The following SLC4A7 variants were observed in gnomAD, a reference collection of about 807,000 sequenced individuals.
SLC4A7 encodes solute carrier family 4 member 7.
SLC4A7 carries 51 observed loss-of-function variants against 137.6 expected under a neutral mutation model. That is an observed-to-expected ratio of 0.37 (90% CI 0.30 to 0.47). SLC4A7 has a LOEUF of 0.47. Ranked by LOEUF, SLC4A7 falls within the 20% of genes least tolerant of loss-of-function variation. The pLI is 1.00. For synonymous variants in SLC4A7, 542 were observed against 518.6 expected, an observed-to-expected ratio of 1.05 and a Z score of -0.61; for missense variants, 1,247 against 1,525.4, an observed-to-expected ratio of 0.82 and a Z score of 3.04.
chr3:27,435,448 A>G (rs2056658218), intron 5 of SLC4A7, among the ~76,000 whole-genome samples: 1 of 152,122 alleles, frequency 6.6e-6, no homozygotes, highest in Admixed American at 6.5e-5. Flanking sequence ...GCCACCCTAC[A>G]TTCTGTTGCC....
chr3:27,436,714 T>C (rs775462758), intron 4 of SLC4A7, among the ~76,000 whole-genome samples, 166 bp from the exon 5 acceptor site: 6 of 151,850 alleles, frequency 4.0e-5, no homozygotes, highest in Non-Finnish European at 8.8e-5. Context: ...ACAATATCTA[T>C]AGTCACAAAT....
At chr3:27,420,517 T>A (rs2054859126) in intron 10 of SLC4A7, among the ~76,000 whole-genome samples, 183 bp downstream of exon 10, 1 of 152,136 alleles carries the variant, frequency 6.6e-6, no homozygotes, top group Admixed American at 6.5e-5. Context: ...CTGATCTTGA[T>A]ATAAAGGTCT....
chr3:27,403,118 G>C, intron 15 of SLC4A7, 21 bp downstream of exon 15: 1 of 1,581,314 alleles, frequency 6.3e-7, no homozygotes, highest in Non-Finnish European at 8.6e-7. Context: ...TTTAATATTA[G>C]GAGAAAAGAG....
Position 27,418,560 on chromosome 3 carries a change from G to C in SLC4A7, c.1585C>G (p.Gln529Glu). ...TCTCCTGGAGGTAGGACAGTTACTTGATCTAAAAATTCATCAATTCCAGAT... is the reference window on the plus strand; with the variant it reads ...TCTCCTGGAGGTAGGACAGTTACTTCATCTAAAAATTCATCAATTCCAGAT... Reference protein sequence around the residue: ...LLSGIDEFLDQVTVLPPGEWD... With the variant: ...LLSGIDEFLDEVTVLPPGEWD... The change falls in exon 11 of 26, where the codon CAA becomes GAA. Residue 529 changes from glutamine (Q) to glutamate (E), a missense_variant. By Grantham distance (29) the Gln-to-Glu change is conservative (BLOSUM62 2). Coordinates refer to ENST00000454389, the MANE Select transcript of SLC4A7 (RefSeq NM_001321103.2). The C allele has an allele frequency of 6.2e-7, 1 of 1,605,722 alleles. No individual in the cohort carries two copies. Among genetic ancestry groups the C allele is most frequent in the South Asian group, 1.1e-5 (1 of 90,846 alleles).
chr3:27,432,633 T>C (rs976529616), intron 6 of SLC4A7, among the ~76,000 whole-genome samples: 32 of 152,250 alleles, frequency 2.1e-4, no homozygotes, highest in African/African-American at 7.5e-4. Context: ...TAAACTATAA[T>C]CCATTAGGAA....
chr3:27,381,340 A>G (rs1421665606), intron 24 of SLC4A7, among the ~76,000 whole-genome samples: 1 of 152,244 alleles, frequency 6.6e-6, no homozygotes. Context: ...CAAATTGGTG[A>G]TAATTACTAA....
chr3:27,418,690 A>C (rs1239109394), intron 10 of SLC4A7, 58 bp from the exon 11 acceptor site: 1 of 1,024,418 alleles, frequency 9.8e-7, no homozygotes, highest in Non-Finnish European at 1.5e-6. Context: ...TTCTACACAT[A>C]GTAAATCCAC....
At chr3:27,403,969 T>C (rs1439989514) in intron 14 of SLC4A7, among the ~76,000 whole-genome samples, 1 of 152,240 alleles carries the variant, frequency 6.6e-6, no homozygotes, top group Non-Finnish European at 1.5e-5. Flanking sequence ...CAGATTAAGC[T>C]TGTTTAGTGA....
chr3:27,385,896 TTC>T lies in SLC4A7; in HGVS notation c.3486_3487del (p.Lys1163ArgfsTer4). 1 of 1,546,070 alleles carries T rather than the reference TTC, an allele frequency of 6.5e-7. No individual in the cohort carries two copies. On this transcript the variant is annotated frameshift_variant, in exon 23 of 26. Transcript: ENST00000454389. LOFTEE classifies it high-confidence loss of function. Reference sequence around the variant, plus strand: ...TTAAAATTGTTATCTTTTTACCTCTTTCTCTTTTTTCTTTTTGTCATCTTCTT... The same window carrying T: ...TTAAAATTGTTATCTTTTTACCTCTTTCTTTTTTCTTTTTGTCATCTTCTT...
intron 7 of SLC4A7, among the ~76,000 whole-genome samples, chr3:27,426,314 G>A (rs2055615311): frequency 6.6e-6 from 1 of 152,166 alleles, no homozygotes; most frequent in Non-Finnish European, 1.5e-5. Context: ...GGCACACCAA[G>A]AAGATTCCTC....
chr3:27,476,964 G>A (rs1479964359), intron 1 of SLC4A7, among the ~76,000 whole-genome samples: 1 of 152,170 alleles, frequency 6.6e-6, no homozygotes, highest in Non-Finnish European at 1.5e-5. Context: ...AATGACCCAG[G>A]AAAACTCTAT....
intron 9 of SLC4A7, 59 bp from the exon 10 acceptor site, chr3:27,420,846 C>T: frequency 8.7e-7 from 1 of 1,144,326 alleles, no homozygotes; most frequent in Non-Finnish European, 1.3e-6. Context: ...CAAAGCTAGG[C>T]AATCATAAAA....
At chr3:27,385,449 G>A (rs1438465770) in intron 23 of SLC4A7, among the ~76,000 whole-genome samples, 5 of 152,004 alleles carry the variant, frequency 3.3e-5, no homozygotes, top group Admixed American at 6.6e-5. Context: ...CATTATGTAT[G>A]CCAATTATTA....
chr3:27,381,913 AC>A (rs1272350208), intron 24 of SLC4A7, among the ~76,000 whole-genome samples: 1 of 151,984 alleles, frequency 6.6e-6, no homozygotes, highest in African/African-American at 2.4e-5. Context: ...ACATGGTGAA[AC>A]CCCATCTCTA....
intron 1 of SLC4A7, among the ~76,000 whole-genome samples, chr3:27,478,696 C>T (rs917188437): frequency 1.3e-5 from 2 of 151,498 alleles, no homozygotes; most frequent in African/African-American, 2.4e-5. Context: ...TGCTTAAAAC[C>T]GCCAAACTAG....
chr3:27,481,584 G>A (rs2059709165), intron 1 of SLC4A7, among the ~76,000 whole-genome samples: 1 of 152,124 alleles, frequency 6.6e-6, no homozygotes, highest in African/African-American at 2.4e-5. Flanking sequence ...TTTTATCAAC[G>A]CCAATAGTTC....
chr3:27,383,359 A>T, intron 23 of SLC4A7, 109 bp from the exon 24 acceptor site: 1 of 764,286 alleles, frequency 1.3e-6, no homozygotes, highest in Admixed American at 2.8e-5. Context: ...CATTATTTAA[A>T]TATAACTGCC....
At chr3:27,479,138 G>A (rs1185798815) in intron 1 of SLC4A7, among the ~76,000 whole-genome samples, 1 of 152,238 alleles carries the variant, frequency 6.6e-6, no homozygotes, top group Non-Finnish European at 1.5e-5. Flanking sequence ...GTGTTGGCAA[G>A]ATGTAGCGGC....
chr3:27,386,059 A>C, intron 22 of SLC4A7, 36 bp from the exon 23 acceptor site: 2 of 1,517,882 alleles, frequency 1.3e-6, no homozygotes, highest in Admixed American at 4.1e-5. Context: ...TAAGTAACAC[A>C]TAATACAAAC....
Sources: allele counts gnomAD v4.1 joint callset (sites outside exome capture counted in the v4.1 genomes callset), GRCh38; gene constraint gnomAD v4.1.1; transcripts MANE v1.5; gene names NCBI Gene and HGNC (gene_info 2026-07-23, HGNC 2026-07-21).